Variants in UNC80 observed in about 807,000 individuals in gnomAD.
UNC80 encodes the protein unc-80 subunit of NALCN channel complex, also known as protein unc-80 homolog.
UNC80 carries 164 observed loss-of-function variants against 384.6 expected under a neutral mutation model. The observed-to-expected ratio is 0.43, with a 90% confidence interval of 0.38 to 0.49. The LOEUF (loss-of-function observed/expected upper bound fraction) is 0.49. UNC80 is among the 20% of genes least tolerant of loss of function. The pLI, the probability that UNC80 is intolerant of heterozygous loss-of-function variation, is 0.00. For missense variants in UNC80, 3,330 were observed against 4,143.0 expected, an observed-to-expected ratio of 0.80 and a Z score of 5.39; for synonymous variants, 1,486 against 1,527.8, an observed-to-expected ratio of 0.97 and a Z score of 0.64.
chr2:209,885,319 A>G (rs1374057802), intron 25 of UNC80, among the ~76,000 whole-genome samples: 3 of 152,192 alleles, frequency 2.0e-5, no homozygotes, highest in African/African-American at 7.2e-5. Context: ...AGGGTCCCTG[A>G]GAAAGTAGCA....
Position 209,904,944 on chromosome 2 carries a change from C to G in UNC80, c.4761C>G (p.Leu1587=), listed in dbSNP as rs2087996158. The change falls in exon 29 of 65, where the codon CTC becomes CTG. Residue 1587 remains leucine (L), a synonymous_variant. Transcript: ENST00000673920. ...RESSNISSVA[L]RGKKQKECSD... ...GCAGCAACATCAGCAGTGTGGCTCT[C>G]CGGGGCAAGAAACAGAAAGAAGTAA... The G allele has an allele frequency of 6.4e-7, 1 of 1,551,614 alleles. No individual in the cohort carries two copies. The highest frequency in any genetic ancestry group is 8.7e-7 in the Non-Finnish European group (1 of 1,146,978).
intron 47 of UNC80, among the ~76,000 whole-genome samples, chr2:209,947,301 A>C (rs1338302835): frequency 6.6e-6 from 1 of 152,214 alleles, no homozygotes; most frequent in African/African-American, 2.4e-5. Context: ...GATATTCTGC[A>C]ATTGAGACAC....
intron 8 of UNC80, among the ~76,000 whole-genome samples, chr2:209,814,231 T>C (rs1238927513): frequency 2.0e-5 from 3 of 152,094 alleles, no homozygotes; most frequent in Non-Finnish European, 2.9e-5. Flanking sequence ...TAACTCAACA[T>C]TTCCAGTGTC....
intron 13 of UNC80, among the ~76,000 whole-genome samples, chr2:209,823,876 A>C (rs1194281392): frequency 2.6e-5 from 4 of 152,108 alleles, no homozygotes; most frequent in Non-Finnish European, 4.4e-5. Context: ...AAATCCAAAA[A>C]TCTGAAATCT....
intron 22 of UNC80, among the ~76,000 whole-genome samples, chr2:209,861,148 A>G (rs983657467): frequency 6.6e-6 from 1 of 152,202 alleles, no homozygotes; most frequent in Admixed American, 6.5e-5. Flanking sequence ...GAATGCTTCC[A>G]GCTTTTGCCC....
intron 22 of UNC80, among the ~76,000 whole-genome samples, chr2:209,853,293 TG>T (rs2082661533): frequency 6.6e-6 from 1 of 152,136 alleles, no homozygotes; most frequent in South Asian, 2.1e-4. Context: ...ATAGTTTCAT[TG>T]TTTTATGTCC....
intron 22 of UNC80, among the ~76,000 whole-genome samples, chr2:209,866,533 C>CACATACACACACAGAGAG (rs1307214321): frequency 9.6e-6 from 1 of 104,086 alleles, no homozygotes; most frequent in East Asian, 2.6e-4. Flanking sequence ...CACACACACA[C>CACATACACACACAGAGAG]AGAGAGAGAG....
chr2:209,946,605 T>C (rs1380820850), intron 47 of UNC80, among the ~76,000 whole-genome samples: 1 of 152,146 alleles, frequency 6.6e-6, no homozygotes, highest in Admixed American at 6.6e-5. Context: ...AAAACTCCTT[T>C]CAAGGGGCAA....
intron 2 of UNC80, among the ~76,000 whole-genome samples, chr2:209,773,544 G>A (rs1054223667): frequency 3.3e-5 from 5 of 152,208 alleles, no homozygotes; most frequent in African/African-American, 1.2e-4. Flanking sequence ...GGACAGCTGA[G>A]GGAAGAGCAG....
At position 209,819,115 on chromosome 2, in the gene UNC80, C is replaced by T. The variant is rs368452978; in HGVS notation, c.1816C>T (p.Pro606Ser). The stretch of plus-strand genomic sequence containing the variant: ...GAAACTCTGCAACCAGGTGCCTATC[C>T]CGGAGATGCCACATGAACCTCTGGC... ...MRKLCNQVPIPEMPHEPLACA... is the reference protein window; with the variant it reads ...MRKLCNQVPISEMPHEPLACA... The change falls in exon 12 of 65, where the codon CCG becomes TCG. Residue 606 changes from proline to serine, a missense_variant. By Grantham distance (74) the Pro-to-Ser change is moderately conservative. Transcript: ENST00000673920. The T allele has an allele frequency of 7.1e-6, 11 of 1,552,180 alleles. No individual in the cohort carries two copies. The African/African-American group carries it at 1.5e-4, about 21-fold the overall frequency.
At chr2:209,944,723 C>A (rs2091828416) in intron 45 of UNC80, among the ~76,000 whole-genome samples, 1 of 152,104 alleles carries the variant, frequency 6.6e-6, no homozygotes, top group African/African-American at 2.4e-5. Flanking sequence ...TTCAACCAAT[C>A]AATTATAGAA....
At chr2:209,933,761 A>C in intron 38 of UNC80, 61 bp from the exon 39 acceptor site, 1 of 1,425,754 alleles carries the variant, frequency 7.0e-7, no homozygotes, top group South Asian at 1.4e-5. Flanking sequence ...AAGCTAAGGA[A>C]ATGAGAATGT....
chr2:209,922,359 G>A lies in UNC80; in HGVS notation c.5638G>A (p.Val1880Met). The A allele has an allele frequency of 6.4e-7, 1 of 1,551,784 alleles. No homozygotes were observed. Among genetic ancestry groups the A allele is most frequent in the Non-Finnish European group, 8.7e-7 (1 of 1,146,964 alleles). The change falls in exon 35 of 65, where the codon GTG becomes ATG. Residue 1880 changes from valine (V) to methionine (M), a missense_variant. This residue lies in a region of UNC80 where 1,049 missense variants were observed against 1,488.6 expected (regional missense o/e 0.70). Coordinates refer to ENST00000673920, the MANE Select transcript of UNC80 (RefSeq NM_001371986.1). ...YSFRRGSVWS[V>M]RSAVSAEDEE... is the part of the protein sequence containing the mutation. Reference sequence around the variant, plus strand: ...CTTCCGCCGCGGGTCAGTCTGGTCAGTGCGTTCAGCCGTCAGTGCTGAAGG... The same window carrying A: ...CTTCCGCCGCGGGTCAGTCTGGTCAATGCGTTCAGCCGTCAGTGCTGAAGG...
rs535847891 is a variant in UNC80, at chr2:209,826,035, C to T, written c.2460C>T (p.His820=). 1.3e-6 allele frequency: 2 copies of T among 1,548,316 alleles called. No individual in the cohort carries two copies. Among genetic ancestry groups the T allele is most frequent in the South Asian group, 1.2e-5 (1 of 83,312 alleles). The change falls in exon 14 of 65, where the codon CAC becomes CAT. Residue 820 remains histidine, a synonymous_variant. Transcript: ENST00000673920. ...GGCTCTCTGGAGATCGTCTGAGACA[C>T]CAGGTATTCCGAGAGAATGTAAGAG... ...HRGLSGDRLR[H]QVFRENAQNC...
chr2:209,931,450 G>A (rs1320190388), intron 38 of UNC80, among the ~76,000 whole-genome samples: 1 of 149,778 alleles, frequency 6.7e-6, no homozygotes, highest in Non-Finnish European at 1.5e-5. Context: ...GAAAGTTTTT[G>A]TGTATATATT....
intron 48 of UNC80, 80 bp from the exon 49 acceptor site, chr2:209,957,564 A>G: frequency 8.0e-7 from 1 of 1,255,072 alleles, no homozygotes; most frequent in Non-Finnish European, 1.1e-6. Flanking sequence ...TGTGTGCTTC[A>G]GTAACTTGAG....
chr2:209,918,778 C>G, intron 33 of UNC80, 115 bp downstream of exon 33: 1 of 1,193,984 alleles, frequency 8.4e-7, no homozygotes, highest in Non-Finnish European at 1.1e-6. Flanking sequence ...AGAAAGTCAG[C>G]ACAAAAGATC....
At chr2:209,841,338 T>C (rs187723523) in intron 20 of UNC80, among the ~76,000 whole-genome samples, 56 of 152,128 alleles carry the variant, frequency 3.7e-4, no homozygotes, top group African/African-American at 1.3e-3. Context: ...TTGTGGGTTT[T>C]TGTTGTTGTT....
chr2:209,989,551 C>T (rs1418688724), intron 61 of UNC80, among the ~76,000 whole-genome samples: 3 of 151,604 alleles, frequency 2.0e-5, no homozygotes, highest in Non-Finnish European at 2.9e-5. Context: ...ATAGTATTTC[C>T]CTAAAGGGAA....
Sources: allele counts gnomAD v4.1 joint callset (sites outside exome capture counted in the v4.1 genomes callset), GRCh38; gene constraint gnomAD v4.1.1; regional missense constraint gnomAD v4.1.1; transcripts MANE v1.5; gene names NCBI Gene and HGNC (gene_info 2026-07-23, HGNC 2026-07-21).